The following XYLT1 variants were observed in gnomAD, a reference collection of about 807,000 sequenced individuals.
The protein encoded by XYLT1 is xylosyltransferase 1.
XYLT1 carries 36 observed loss-of-function variants against 91.3 expected under a neutral mutation model. That is an observed-to-expected ratio of 0.39 (90% CI 0.30 to 0.52). XYLT1 has a LOEUF of 0.52. XYLT1 is among the 20% of genes least tolerant of loss of function. The pLI is 0.68. For synonymous variants in XYLT1, 588 were observed against 532.0 expected, an observed-to-expected ratio of 1.11 and a Z score of -1.45; for missense variants, 1,242 against 1,284.5, an observed-to-expected ratio of 0.97 and a Z score of 0.51.
Position 17,201,889 on chromosome 16 carries a change from G to A in XYLT1, c.914-1235C>T, listed in dbSNP as rs139257472. On this transcript the variant is annotated intron_variant, in intron 3 of 11. Transcript: ENST00000261381. ...TAATGTGGAGTACATTGCCAAGGGG[G>A]GATGAGGGTCCAGGTGCTTGTGGCC... 5.4e-4 allele frequency among the ~76,000 whole-genome samples: 82 copies of A among 152,256 alleles called. No homozygotes were observed. In the East Asian group the frequency reaches 0.016, roughly 29 times the overall value.
intron 1 of XYLT1, among the ~76,000 whole-genome samples, chr16:17,379,470 G>C (rs1002399776): frequency 1.3e-5 from 2 of 152,162 alleles, no homozygotes; most frequent in African/African-American, 4.8e-5. Context: ...CAGCAAACTG[G>C]AATGGCATGA....
intron 2 of XYLT1, among the ~76,000 whole-genome samples, chr16:17,300,288 A>G (rs1567363347): frequency 1.3e-5 from 2 of 152,204 alleles, no homozygotes; most frequent in Admixed American, 6.5e-5. Flanking sequence ...TTTAACTTGC[A>G]TTTAAGCAAA....
At chr16:17,332,871 G>A (rs7189587) in intron 2 of XYLT1, among the ~76,000 whole-genome samples, 86,043 of 151,624 alleles carry the variant, frequency 0.57, 24,955 homozygotes, top group Admixed American at 0.64. Context: ...TCCGAATTCT[G>A]CAACCTCCGC....
intron 2 of XYLT1, among the ~76,000 whole-genome samples, chr16:17,329,268 G>C (rs2034860919): frequency 6.6e-6 from 1 of 152,154 alleles, no homozygotes. Flanking sequence ...CATGGGCTCT[G>C]GACAGGGCAG....
chr16:17,454,206 G>C (rs2036705093), intron 1 of XYLT1, among the ~76,000 whole-genome samples: 1 of 152,214 alleles, frequency 6.6e-6, no homozygotes, highest in Non-Finnish European at 1.5e-5. Flanking sequence ...TTTGCCGAAA[G>C]AGATGTCCAA....
intron 3 of XYLT1, among the ~76,000 whole-genome samples, chr16:17,234,434 C>G (rs750489873): frequency 1.3e-5 from 2 of 152,152 alleles, no homozygotes; most frequent in Non-Finnish European, 2.9e-5. Flanking sequence ...CTAAGTTCTG[C>G]ACAGCTATCA....
At chr16:17,161,348 C>A (rs904308872) in intron 5 of XYLT1, among the ~76,000 whole-genome samples, 1 of 152,104 alleles carries the variant, frequency 6.6e-6, no homozygotes, top group South Asian at 2.1e-4. Context: ...AGCTTTTGGG[C>A]AAAGCCGCCT....
intron 2 of XYLT1, among the ~76,000 whole-genome samples, chr16:17,310,956 A>G (rs1268311117): frequency 6.6e-6 from 1 of 152,218 alleles, no homozygotes; most frequent in Non-Finnish European, 1.5e-5. Flanking sequence ...CCCAGACACC[A>G]TTAGAATAAA....
intron 10 of XYLT1, 136 bp from the exon 11 acceptor site, chr16:17,118,115 C>T: frequency 1.1e-6 from 1 of 892,438 alleles, no homozygotes; most frequent in Non-Finnish European, 1.7e-6. Flanking sequence ...AACTAAGTCA[C>T]CTGCTCAAGG....
chr16:17,232,956 C>T (rs1403874018), intron 3 of XYLT1, among the ~76,000 whole-genome samples: 1 of 152,088 alleles, frequency 6.6e-6, no homozygotes, highest in Non-Finnish European at 1.5e-5. Flanking sequence ...CATAATTCTT[C>T]CTCTTTTGTG....
chr16:17,112,541 G>T lies in XYLT1; in HGVS notation c.2558-3524C>A, dbSNP rs182730139. Among the ~76,000 whole-genome samples, 268 of 152,112 alleles carry T rather than the reference G, an allele frequency of 1.8e-3. 1 individual carries two copies. Among genetic ancestry groups the T allele is most frequent in the African/African-American group, 5.6e-3 (234 of 41,494 alleles). ...GTGTTCAGGAGCACTGCTTCATTCT[G>T]ACCAACAGGTGTACCTGAAGCAGCG... is the stretch of plus-strand genomic sequence containing the variant. On this transcript the variant is annotated intron_variant, in intron 11 of 11. Coordinates refer to ENST00000261381, the MANE Select transcript of XYLT1 (RefSeq NM_022166.4).
At chr16:17,255,499 G>A (rs746562588) in intron 3 of XYLT1, among the ~76,000 whole-genome samples, 3 of 152,048 alleles carry the variant, frequency 2.0e-5, no homozygotes, top group Non-Finnish European at 4.4e-5. Flanking sequence ...TCAATATTTC[G>A]TTCATGGAAT....
chr16:17,179,449 C>T (rs2032017713), intron 5 of XYLT1, among the ~76,000 whole-genome samples: 1 of 152,220 alleles, frequency 6.6e-6, no homozygotes, highest in South Asian at 2.1e-4. Flanking sequence ...CAATCTTCCT[C>T]ATAACTTTCT....
chr16:17,326,337 A>G (rs2034801548), intron 2 of XYLT1, among the ~76,000 whole-genome samples: 2 of 152,164 alleles, frequency 1.3e-5, no homozygotes, highest in Non-Finnish European at 2.9e-5. Flanking sequence ...TCCCGTGGTA[A>G]CCATTCTTTT....
At chr16:17,315,650 T>C (rs1174653766) in intron 2 of XYLT1, among the ~76,000 whole-genome samples, 1 of 152,148 alleles carries the variant, frequency 6.6e-6, no homozygotes, top group Non-Finnish European at 1.5e-5. Flanking sequence ...TGGCACAAAG[T>C]AGGTGCTTAA....
At chr16:17,134,818 T>A in intron 8 of XYLT1, 83 bp from the exon 9 acceptor site, 1 of 1,538,574 alleles carries the variant, frequency 6.5e-7, no homozygotes. Context: ...ATCCTGTGGT[T>A]AGAAGCAAAG....
At chr16:17,245,580 G>A (rs2033423057) in intron 3 of XYLT1, among the ~76,000 whole-genome samples, 1 of 152,258 alleles carries the variant, frequency 6.6e-6, no homozygotes, top group East Asian at 1.9e-4. Flanking sequence ...ATTTTTACCA[G>A]AGGGTTCTAT....
At chr16:17,194,014 G>A (rs962656025) in intron 5 of XYLT1, 3 of 152,054 alleles carry the variant, frequency 2.0e-5, no homozygotes, top group Non-Finnish European at 4.4e-5. Context: ...GGGCACTAAA[G>A]CAAAAAAGCC....
intron 2 of XYLT1, among the ~76,000 whole-genome samples, chr16:17,341,368 A>G (rs2035061480): frequency 6.6e-6 from 1 of 152,242 alleles, no homozygotes; most frequent in Non-Finnish European, 1.5e-5. Flanking sequence ...ACAAAATAGA[A>G]AAGTTAAAAA....
Sources: allele counts gnomAD v4.1 joint callset (sites outside exome capture counted in the v4.1 genomes callset), GRCh38; gene constraint gnomAD v4.1.1; transcripts MANE v1.5; gene names NCBI Gene and HGNC (gene_info 2026-07-23, HGNC 2026-07-21).